Variants in LHFPL4 observed in about 807,000 individuals in gnomAD.
The protein encoded by LHFPL4 is LHFPL tetraspan subfamily member 4 protein.
Under a neutral mutation model 20.0 loss-of-function variants are expected in LHFPL4, and 6 were observed. The observed-to-expected ratio is 0.30, with a 90% confidence interval of 0.16 to 0.59. The LOEUF (loss-of-function observed/expected upper bound fraction) is 0.59, where lower values mean the gene tolerates loss of function less well. Among genes scored for constraint, LHFPL4 ranks in the 20% least tolerant of loss-of-function variants. The pLI is 0.88. For synonymous variants in LHFPL4, 129 were observed against 143.8 expected (o/e 0.90, Z 0.74); for missense variants, 215 against 331.2 (o/e 0.65, Z 2.72).
intron 2 of LHFPL4, among the ~76,000 whole-genome samples, chr3:9,510,539 C>T (rs1297037001): frequency 6.6e-6 from 1 of 152,028 alleles, no homozygotes; most frequent in Non-Finnish European, 1.5e-5. Flanking sequence ...TCCAGCTACC[C>T]CATGGTCCTA....
rs1486145430 is a variant in LHFPL4 at position 9,505,993 on chromosome 3, T to C, written c.617A>G (p.Gln206Arg). The C allele has an allele frequency of 1.2e-6, 2 of 1,614,218 alleles. No homozygotes were observed. Among genetic ancestry groups the C allele is most frequent in the Non-Finnish European group, 1.7e-6 (2 of 1,180,032 alleles). Reference sequence around the variant, plus strand: ...TTTGTTCTCCGGCTTGAGCTCCTCCTGCAGCAGGTCTGTTTGCCGGTTGCC... The same window carrying C: ...TTTGTTCTCCGGCTTGAGCTCCTCCCGCAGCAGGTCTGTTTGCCGGTTGCC... ...VLGNRQTDLL[Q>R]EELKPENKDF... The change falls in exon 3 of 4, where the codon CAG becomes CGG. Residue 206 changes from glutamine to arginine, a missense_variant. By Grantham distance (43) the Gln-to-Arg change is conservative. Coordinates refer to ENST00000287585, the MANE Select transcript of LHFPL4 (RefSeq NM_198560.3).
intron 2 of LHFPL4, chr3:9,551,185 A>G (rs1042227756): frequency 1.3e-5 from 2 of 152,222 alleles, no homozygotes; most frequent in African/African-American, 4.8e-5. Context: ...TGCCTCCTCC[A>G]GGGGGTCTCT....
rs750002303 is a variant in LHFPL4 at position 9,552,408 on chromosome 3, G to C, written c.272C>G (p.Ala91Gly). The C allele has an allele frequency of 1.9e-6, 3 of 1,613,914 alleles. No individual in the cohort carries two copies. In the South Asian group the frequency reaches 3.3e-5, roughly 18 times the overall value. ...CACGAAGAAGGCGGCCGCCTTGAAG[G>C]CGCTGGACGGGATGGTGCTGAAGTC... ...FTDFSTIPSS[A>G]FKAAAFFVLL... The change falls in exon 2 of 4, where the codon GCC (alanine) becomes GGC (glycine). Residue 91 changes from alanine (A) to glycine (G), a missense_variant. Ala to Gly is a moderately conservative substitution (Grantham distance 60, BLOSUM62 0). Coordinates refer to ENST00000287585, the MANE Select transcript of LHFPL4 (RefSeq NM_198560.3).
At position 9,501,167 on chromosome 3, in the gene LHFPL4, T is replaced by A. The variant is rs2046169649; in HGVS notation, c.*1044A>T. Reference sequence around the variant, plus strand: ...TTCAGAGATGACCTGCAAGTTCAAGTTATGCAGAAAAGTATCAAAGAGACA... The same window carrying A: ...TTCAGAGATGACCTGCAAGTTCAAGATATGCAGAAAAGTATCAAAGAGACA... On this transcript the variant is annotated 3_prime_UTR_variant, in exon 4 of 4. Coordinates refer to ENST00000287585, the MANE Select transcript of LHFPL4 (RefSeq NM_198560.3). 6.5e-6 allele frequency: 1 copy of A among 152,706 alleles called. No individual in the cohort carries two copies. The highest frequency in any genetic ancestry group is 2.1e-4 in the South Asian group (1 of 4,834). 9.5% of individuals were successfully genotyped at this position (152,706 alleles called of 1,614,324 possible).
intron 2 of LHFPL4, among the ~76,000 whole-genome samples, chr3:9,546,225 GA>G (rs1415242161): frequency 6.7e-6 from 1 of 150,030 alleles, no homozygotes; most frequent in Non-Finnish European, 1.5e-5. Flanking sequence ...TGAGACAGAA[GA>G]ATCGCTTGAA....
chr3:9,542,995 T>C (rs947290220), intron 2 of LHFPL4, among the ~76,000 whole-genome samples: 8 of 152,106 alleles, frequency 5.3e-5, no homozygotes, highest in African/African-American at 1.9e-4. Context: ...AAAAATATCC[T>C]AAAACTGGTT....
chr3:9,514,716 T>C (rs1017380982), intron 2 of LHFPL4, among the ~76,000 whole-genome samples: 5 of 152,240 alleles, frequency 3.3e-5, no homozygotes, highest in African/African-American at 1.2e-4. Flanking sequence ...ACTACCTCCA[T>C]ACTTTTGCCT....
chr3:9,504,435 C>A (rs1046826961), intron 3 of LHFPL4, among the ~76,000 whole-genome samples: 4 of 151,872 alleles, frequency 2.6e-5, no homozygotes, highest in Non-Finnish European at 4.4e-5. Context: ...TACCTCCACG[C>A]TCCAGCTCAT....
At chr3:9,514,982 T>C (rs919274963) in intron 2 of LHFPL4, among the ~76,000 whole-genome samples, 1 of 152,234 alleles carries the variant, frequency 6.6e-6, no homozygotes, top group African/African-American at 2.4e-5. Context: ...GAGGTTTTGG[T>C]GTAGACATGA....
intron 2 of LHFPL4, among the ~76,000 whole-genome samples, chr3:9,508,069 G>C (rs1170303371): frequency 6.6e-6 from 1 of 152,158 alleles, no homozygotes; most frequent in Non-Finnish European, 1.5e-5. Flanking sequence ...GTAAAGTGGG[G>C]GTGATGGTCA....
intron 2 of LHFPL4, among the ~76,000 whole-genome samples, chr3:9,547,631 T>C (rs1169813634): frequency 2.6e-5 from 4 of 152,214 alleles, no homozygotes; most frequent in African/African-American, 7.2e-5. Flanking sequence ...AGCTGGCACA[T>C]TGGATATTCT....
chr3:9,498,869 C>G lies in LHFPL4; in HGVS notation c.*3342G>C, dbSNP rs544148225. On this transcript the variant is annotated 3_prime_UTR_variant, in exon 4 of 4. Coordinates refer to ENST00000287585, the MANE Select transcript of LHFPL4 (RefSeq NM_198560.3). Reference sequence around the variant, plus strand: ...TGAAAAGGATCTTGATTCTTTGGTCCTCACCCCCTCAGGAAAGTTTTCCTT... The same window carrying G: ...TGAAAAGGATCTTGATTCTTTGGTCGTCACCCCCTCAGGAAAGTTTTCCTT... 6.5e-6 allele frequency: 1 copy of G among 152,774 alleles called. No homozygotes were observed. Among genetic ancestry groups the G allele is most frequent in the South Asian group, 2.1e-4 (1 of 4,818 alleles). 9.5% of individuals were successfully genotyped at this position (152,774 alleles called of 1,614,324 possible).
At chr3:9,518,875 T>C (rs936372570) in intron 2 of LHFPL4, among the ~76,000 whole-genome samples, 1 of 151,304 alleles carries the variant, frequency 6.6e-6, no homozygotes, top group Non-Finnish European at 1.5e-5. Context: ...TACCTCAGCC[T>C]CCCAAGTAGG....
intron 2 of LHFPL4, among the ~76,000 whole-genome samples, chr3:9,551,755 A>C (rs1206315247): frequency 6.6e-6 from 1 of 152,108 alleles, no homozygotes; most frequent in Admixed American, 6.5e-5. Flanking sequence ...TAAAGGTTAC[A>C]AAACACTCTT....
At chr3:9,510,783 C>A (rs1006451519) in intron 2 of LHFPL4, among the ~76,000 whole-genome samples, 1 of 151,460 alleles carries the variant, frequency 6.6e-6, no homozygotes, top group Non-Finnish European at 1.5e-5. Flanking sequence ...ACTAAAAATA[C>A]AAAAATTAGC....
At chr3:9,520,097 C>G (rs555651001) in intron 2 of LHFPL4, among the ~76,000 whole-genome samples, 16 of 151,944 alleles carry the variant, frequency 1.1e-4, no homozygotes, top group Middle Eastern at 6.8e-3. Flanking sequence ...TATAAATTTC[C>G]CTCTGAACAC....
rs2046162371 is a variant in LHFPL4 at position 9,500,302 on chromosome 3, A to G, written c.*1909T>C. 6.6e-6 allele frequency: 1 copy of G among 152,254 alleles called. No homozygotes were observed. The highest frequency in any genetic ancestry group is 2.4e-5 in the African/African-American group (1 of 41,388). The allele number at this position is 152,254 out of a possible 1,614,324, so 9.4% of individuals were successfully genotyped here. A position where few individuals can be genotyped will look rare whatever the true frequency, so the allele number is the denominator to read the frequency against. On this transcript the variant is annotated 3_prime_UTR_variant, in exon 4 of 4. Coordinates refer to ENST00000287585, the MANE Select transcript of LHFPL4 (RefSeq NM_198560.3). ...GGGGCTCCCGCATCCTCCCGCATTT[A>G]ACTCGGACCCTCTGTCCCGCAGCGC...
chr3:9,528,829 C>T (rs1487536267), intron 2 of LHFPL4, among the ~76,000 whole-genome samples: 1 of 151,102 alleles, frequency 6.6e-6, no homozygotes, highest in Non-Finnish European at 1.5e-5. Flanking sequence ...TAGCCAGGCT[C>T]GTCTTGAACT....
At chr3:9,531,106 T>C in intron 2 of LHFPL4, among the ~76,000 whole-genome samples, 1 of 152,224 alleles carries the variant, frequency 6.6e-6, no homozygotes, top group East Asian at 1.9e-4. Flanking sequence ...AAGCTTGCTG[T>C]CTTACATGGG....
Sources: gnomAD v4.1 joint callset for allele counts (sites outside exome capture counted in the v4.1 genomes callset) on GRCh38, gnomAD v4.1.1 for gene constraint, MANE v1.5 for transcripts, NCBI Gene and HGNC (gene_info 2026-07-23, HGNC 2026-07-21) for gene names.